NELL1: variants seen among roughly 807,000 people sequenced by gnomAD.
The protein encoded by NELL1 is neural EGFL like 1, also known as protein kinase C-binding protein NELL1.
In NELL1, 76 loss-of-function variants were observed where a neutral mutation model predicts 107.4. The observed-to-expected ratio is 0.71, with a 90% CI of 0.59 to 0.86. NELL1 has a LOEUF of 0.86. Among genes scored for constraint, NELL1 ranks in the 40% least tolerant of loss-of-function variants. The probability of loss-of-function intolerance (pLI) is 0.00; values close to 1 mark genes in which losing one functional copy is unlikely to be tolerated. For missense variants in NELL1, 1,024 were observed against 1,005.5 expected (o/e 1.02, Z -0.25); for synonymous variants, 353 against 341.2 (o/e 1.03, Z -0.38).
intron 12 of NELL1, among the ~76,000 whole-genome samples, chr11:20,972,902 A>C (rs1427156178): frequency 6.6e-6 from 1 of 152,168 alleles, no homozygotes; most frequent in Non-Finnish European, 1.5e-5. Flanking sequence ...AAATGTGGGC[A>C]GGAGGTGAAA....
At chr11:20,891,046 G>A (rs1564952657) in intron 5 of NELL1, among the ~76,000 whole-genome samples, 2 of 152,036 alleles carry the variant, frequency 1.3e-5, no homozygotes, top group Non-Finnish European at 2.9e-5. Flanking sequence ...TCAACCCCAA[G>A]ACACATGATC....
chr11:20,700,722 T>C, intron 2 of NELL1, among the ~76,000 whole-genome samples: 1 of 151,850 alleles, frequency 6.6e-6, no homozygotes, highest in Non-Finnish European at 1.5e-5. Flanking sequence ...AGTGCTCTCA[T>C]TGTTCAATTC....
At chr11:21,573,518 A>G (rs1857152536) in intron 19 of NELL1, 109 bp downstream of exon 19, 2 of 914,226 alleles carry the variant, frequency 2.2e-6, no homozygotes, top group African/African-American at 3.3e-5. Context: ...GACATGGTGG[A>G]AACTCTGGCA....
At chr11:20,916,134 A>T (rs1850250711) in intron 5 of NELL1, among the ~76,000 whole-genome samples, 1 of 151,888 alleles carries the variant, frequency 6.6e-6, no homozygotes, top group African/African-American at 2.4e-5. Flanking sequence ...CTTTCCTTAT[A>T]AAAAATACCA....
intron 15 of NELL1, among the ~76,000 whole-genome samples, chr11:21,391,992 A>G (rs1851889325): frequency 6.6e-6 from 1 of 151,828 alleles, no homozygotes; most frequent in African/African-American, 2.4e-5. Flanking sequence ...AATCAATCCT[A>G]TAAATTAATT....
intron 2 of NELL1, among the ~76,000 whole-genome samples, chr11:20,686,461 G>A (rs1854307278): frequency 6.6e-6 from 1 of 152,142 alleles, no homozygotes; most frequent in Non-Finnish European, 1.5e-5. Flanking sequence ...ATTGAGCAAA[G>A]AATGATTCGT....
intron 12 of NELL1, among the ~76,000 whole-genome samples, chr11:20,985,662 A>T (rs1164608225): frequency 6.6e-6 from 1 of 152,182 alleles, no homozygotes; most frequent in Non-Finnish European, 1.5e-5. Flanking sequence ...GGGGGGAAGA[A>T]GATTAGAAGA....
chr11:21,524,703 A>G (rs1198846852), intron 15 of NELL1, among the ~76,000 whole-genome samples: 9 of 152,196 alleles, frequency 5.9e-5, no homozygotes, highest in Admixed American at 2.0e-4. Flanking sequence ...AATGCCTGAT[A>G]GGAGATTTTT....
intron 12 of NELL1, among the ~76,000 whole-genome samples, chr11:20,980,052 C>T (rs1215182569): frequency 6.6e-6 from 1 of 152,132 alleles, no homozygotes; most frequent in Non-Finnish European, 1.5e-5. Flanking sequence ...TCTAAATACT[C>T]AATGACTTAA....
intron 7 of NELL1, among the ~76,000 whole-genome samples, chr11:20,924,276 G>A (rs1850443148): frequency 6.6e-6 from 1 of 152,176 alleles, no homozygotes; most frequent in Non-Finnish European, 1.5e-5. Context: ...AAGGCAAGAG[G>A]TTACATGAAG....
At chr11:21,465,878 A>G (rs900495705) in intron 15 of NELL1, among the ~76,000 whole-genome samples, 1 of 152,098 alleles carries the variant, frequency 6.6e-6, no homozygotes, top group Non-Finnish European at 1.5e-5. Context: ...AAAAAAATCT[A>G]AGCCATAGCA....
At chr11:21,476,470 T>A (rs1854335492) in intron 15 of NELL1, among the ~76,000 whole-genome samples, 1 of 152,146 alleles carries the variant, frequency 6.6e-6, no homozygotes, top group African/African-American at 2.4e-5. Flanking sequence ...AAAAGATAAT[T>A]ATCTTTTTAT....
At chr11:20,922,169 T>C (rs941974388) in intron 7 of NELL1, among the ~76,000 whole-genome samples, 1 of 152,098 alleles carries the variant, frequency 6.6e-6, no homozygotes, top group Non-Finnish European at 1.5e-5. Flanking sequence ...AAGATACTTT[T>C]CCCCAACTCT....
intron 14 of NELL1, among the ~76,000 whole-genome samples, chr11:21,286,249 A>T (rs1849112444): frequency 6.6e-6 from 1 of 152,220 alleles, no homozygotes; most frequent in Non-Finnish European, 1.5e-5. Flanking sequence ...CTGAAAAGAA[A>T]GTGACTACCT....
At chr11:20,800,907 G>T (rs532137161) in intron 3 of NELL1, among the ~76,000 whole-genome samples, 2 of 152,190 alleles carry the variant, frequency 1.3e-5, no homozygotes, top group African/African-American at 4.8e-5. Context: ...TTGTAGAAGG[G>T]CTTTCCTTGG....
rs922651354 is a variant in NELL1, at chr11:21,541,851, T to C, written c.1786+7337T>C. Among the ~76,000 whole-genome samples the C allele has an allele frequency of 2.0e-5, 3 of 152,202 alleles. 1 individual carries two copies. The South Asian group carries it at 6.2e-4, about 32-fold the overall frequency. ...ATTATATGATAGTCAACATTTAACCTCCCTTCACCTCAGTTCCCTCACCTG... is the reference window on the plus strand; with the variant it reads ...ATTATATGATAGTCAACATTTAACCCCCCTTCACCTCAGTTCCCTCACCTG... On this transcript the variant is annotated intron_variant, in intron 16 of 19. Coordinates refer to ENST00000357134, the MANE Select transcript of NELL1 (RefSeq NM_006157.5).
At chr11:20,984,386 A>G (rs1851809640) in intron 12 of NELL1, among the ~76,000 whole-genome samples, 1 of 152,178 alleles carries the variant, frequency 6.6e-6, no homozygotes, top group Non-Finnish European at 1.5e-5. Context: ...ACTTTGAGTC[A>G]GTTACTTGAA....
intron 12 of NELL1, among the ~76,000 whole-genome samples, chr11:21,067,928 G>A (rs1486360085): frequency 3.3e-5 from 5 of 149,424 alleles, no homozygotes; most frequent in African/African-American, 1.2e-4. Context: ...AGCTACCTGG[G>A]AGGTCGAGGC....
At chr11:21,153,186 G>A (rs901568797) in intron 13 of NELL1, among the ~76,000 whole-genome samples, 1 of 152,124 alleles carries the variant, frequency 6.6e-6, no homozygotes, top group African/African-American at 2.4e-5. Context: ...AAAATTGCTA[G>A]TGTGTTAAAT....
Sources: gnomAD v4.1 joint callset for allele counts (sites outside exome capture counted in the v4.1 genomes callset) on GRCh38, gnomAD v4.1.1 for gene constraint, MANE v1.5 for transcripts, NCBI Gene and HGNC (gene_info 2026-07-23, HGNC 2026-07-21) for gene names.